Variants in PPP1R10 observed in about 807,000 individuals in gnomAD.
PPP1R10 encodes the protein serine/threonine-protein phosphatase 1 regulatory subunit 10.
In PPP1R10, 15 loss-of-function variants were observed where a neutral mutation model predicts 99.0. The observed-to-expected ratio is 0.15, with a 90% CI of 0.10 to 0.23. The LOEUF is 0.23. PPP1R10 is among the 10% of genes least tolerant of loss of function. The pLI is 1.00. For synonymous variants in PPP1R10, 430 were observed against 449.5 expected (o/e 0.96, Z 0.55); for missense variants, 947 against 1,259.4 (o/e 0.75, Z 3.75).
In PPP1R10 at chr6:30,604,691, G is replaced by GGCTGTGCTTGGT. The variant is rs1320498837; in HGVS notation, c.987_998dup (p.Pro330_Ala333dup). On this transcript the variant is annotated inframe_insertion, in exon 12 of 20. Coordinates refer to ENST00000376511, the MANE Select transcript of PPP1R10 (RefSeq NM_002714.4). The surrounding 1 kb of genome is among the most constrained non-coding windows in gnomAD (Gnocchi z 7.3). ...GTGCTGGTTCTGGGGAAGAAGGTTT[G>GGCTGTGCTTGGT]GCTGTGCTTGGTTCTGTGCTCGTTT... is the stretch of plus-strand genomic sequence containing the variant. 1.9e-6 allele frequency: 3 copies of GGCTGTGCTTGGT among 1,612,994 alleles called. No individual in the cohort carries two copies. Among genetic ancestry groups the GGCTGTGCTTGGT allele is most frequent in the Admixed American group, 1.7e-5 (1 of 60,002 alleles).
Position 30,602,812 on chromosome 6 carries a change from A to G in PPP1R10, c.1957+34T>C, listed in dbSNP as rs756149606. On this transcript the variant is annotated intron_variant, in intron 18 of 19. Coordinates refer to ENST00000376511, the MANE Select transcript of PPP1R10 (RefSeq NM_002714.4). The surrounding 1 kb of genome is among the most constrained non-coding windows in gnomAD (Gnocchi z 6.7). Reference sequence around the variant, plus strand: ...CTATTATCAGACTGAAATTAAGCAGATAAGCCCATTCCAACCTTTTACTCA... The same window carrying G: ...CTATTATCAGACTGAAATTAAGCAGGTAAGCCCATTCCAACCTTTTACTCA... 1.0e-5 allele frequency: 16 copies of G among 1,546,384 alleles called. No individual in the cohort carries two copies. Among genetic ancestry groups the G allele is most frequent in the Middle Eastern group, 1.7e-4 (1 of 5,996 alleles).
Position 30,609,992 on chromosome 6 carries a change from T to TA in PPP1R10, c.-11-38dup. 6.9e-7 allele frequency: 1 copy of TA among 1,459,318 alleles called. No individual in the cohort carries two copies. 90.4% of individuals were successfully genotyped at this position (1,459,318 alleles called of 1,614,324 possible). On this transcript the variant is annotated intron_variant, in intron 2 of 19. Transcript: ENST00000376511. The surrounding 1 kb of genome is among the most constrained non-coding windows in gnomAD (Gnocchi z 4.5). ...GGACAAAACAAACAAACCCACAGAA[T>TA]AAATGGGTGGCAAGGACTACCCGAG... is the stretch of plus-strand genomic sequence containing the variant.
Position 30,602,545 on chromosome 6 carries a change from G to C in PPP1R10, c.2104C>G (p.Pro702Ala). The change falls in exon 19 of 20, where the codon CCA becomes GCA. Residue 702 changes from proline (P) to alanine (A), a missense_variant. Pro to Ala is a conservative substitution (Grantham distance 27, BLOSUM62 -1). Transcript: ENST00000376511. The surrounding 1 kb of genome is among the most constrained non-coding windows in gnomAD (Gnocchi z 6.7). ...CGGCCACCTCGGCCTCTATGGTATG[G>C]TCCAGGACCTGGTCCTGGACCCCCC... Reference protein sequence around the residue: ...MRGGPGPGPGPYHRGRGGRGG... With the variant: ...MRGGPGPGPGAYHRGRGGRGG... The C allele has an allele frequency of 6.4e-7, 1 of 1,570,280 alleles. No homozygotes were observed. Among genetic ancestry groups the C allele is most frequent in the Admixed American group, 1.9e-5 (1 of 52,478 alleles).
chr6:30,614,370 T>C (rs1278268615), intron 2 of PPP1R10, among the ~76,000 whole-genome samples: 1 of 152,112 alleles, frequency 6.6e-6, no homozygotes, highest in Non-Finnish European at 1.5e-5. Context: ...CGTAGCTTGA[T>C]TCCCCCTGCC....
rs189953824 is a variant in PPP1R10 at position 30,604,831 on chromosome 6, A to G, written c.955-96T>C. On this transcript the variant is annotated intron_variant, in intron 11 of 19. Coordinates refer to ENST00000376511, the MANE Select transcript of PPP1R10 (RefSeq NM_002714.4). The surrounding 1 kb of genome is among the most constrained non-coding windows in gnomAD (Gnocchi z 7.3). ...CAGGCACAGTCCCCCAACAGTTCCT[A>G]TATAAAGGAAGACTCTGTCTCCACA... The G allele has an allele frequency of 3.8e-6, 6 of 1,561,962 alleles. No homozygotes were observed. In the East Asian group the frequency reaches 1.3e-4, roughly 35 times the overall value.
In PPP1R10 at chr6:30,602,629, G is replaced by A. The variant is rs780187448; in HGVS notation, c.2020C>T (p.Arg674Trp). ...PRLLGPPPPP[R>W]GGDPFWDGPG... ...CCATCCCAGAAGGGATCACCTCCCC[G>A]GGGAGGGGGTGGAGGACCCAGAAGA... Residue 674 changes from arginine (R) to tryptophan (W), a missense_variant, in exon 19 of 20, where the codon CGG becomes TGG. This residue lies in a region of PPP1R10 where 525 missense variants were observed against 578.8 expected (regional missense o/e 0.91). Transcript: ENST00000376511. The surrounding 1 kb of genome is among the most constrained non-coding windows in gnomAD (Gnocchi z 6.7). 6.9e-6 allele frequency: 11 copies of A among 1,594,824 alleles called. No individual in the cohort carries two copies. The highest frequency in any genetic ancestry group is 6.7e-5 in the East Asian group (3 of 44,628).
chr6:30,605,784 C>T (rs1446885960), intron 10 of PPP1R10, 139 bp downstream of exon 10: 9 of 807,030 alleles, frequency 1.1e-5, no homozygotes, highest in African/African-American at 1.8e-5. Context: ...GGCGTGAACC[C>T]GGGAGGCGGA....
Position 30,604,220 on chromosome 6 carries a change from C to T in PPP1R10, c.1296G>A (p.Ala432=), listed in dbSNP as rs1264422. The T allele has an allele frequency of 5.3e-5, 86 of 1,614,002 alleles. No homozygotes were observed. In the Middle Eastern group the frequency reaches 6.6e-4, roughly 12 times the overall value. The change falls in exon 14 of 20, where the codon GCG becomes GCA. Residue 432 remains alanine, a synonymous_variant. Coordinates refer to ENST00000376511, the MANE Select transcript of PPP1R10 (RefSeq NM_002714.4). This position sits in a 1 kb window ranked among gnomAD's most constrained non-coding sequence, Gnocchi z 7.3. ...GGTCTGACAGTATCTCTCGCTTAGC[C>T]GCCTCACCAAAGTCCTTGATCTTAT... ...NVNKIKDFGE[A]AKREILSDRH...
intron 2 of PPP1R10, among the ~76,000 whole-genome samples, chr6:30,614,271 AAG>A (rs1245653840): frequency 1.3e-5 from 2 of 152,124 alleles, no homozygotes; most frequent in Non-Finnish European, 2.9e-5. Flanking sequence ...GGGAAGGAAA[AAG>A]AAATTCAAAA....
Position 30,608,819 on chromosome 6 carries a change from G to A in PPP1R10, c.290C>T (p.Thr97Ile). The change falls in exon 5 of 20, where the codon ACC (threonine) becomes ATC (isoleucine). Residue 97 changes from threonine to isoleucine, a missense_variant. This residue lies in a region of PPP1R10 where 82 missense variants were observed against 117.3 expected (regional missense o/e 0.70). Transcript: ENST00000376511. Reference protein sequence around the residue: ...NIPLLQQILLTLQHLPLTVDH... With the variant: ...NIPLLQQILLILQHLPLTVDH... The stretch of plus-strand genomic sequence containing the variant: ...TACAGTGAGCGGTAGATGCTGCAGG[G>A]TCAGTAGAATTTGCTGGAGGAGGGG... 6.2e-7 allele frequency: 1 copy of A among 1,614,054 alleles called. No homozygotes were observed. The highest frequency in any genetic ancestry group is 1.3e-5 in the African/African-American group (1 of 75,032).
In PPP1R10 at chr6:30,609,100, G is replaced by A. The variant is rs1199831937; in HGVS notation, c.171C>T (p.Thr57=). The change falls in exon 4 of 20, where the codon ACC becomes ACT. Residue 57 remains threonine (T), a synonymous_variant. Transcript: ENST00000376511. This position sits in a 1 kb window ranked among gnomAD's most constrained non-coding sequence, Gnocchi z 4.5. ...ACTTGACCAATATTTCTGGTGAACG[G>A]GTCTGCAGGAGAATGTTCAAGTAAG... The part of the protein sequence containing the change: ...RCTYLNILLQ[T]RSPEILVKFI... The A allele has an allele frequency of 1.2e-6, 2 of 1,613,758 alleles. No individual in the cohort carries two copies. The highest frequency in any genetic ancestry group is 1.3e-5 in the African/African-American group (1 of 74,886).
At chr6:30,603,936 T>C (rs1803647065) in intron 14 of PPP1R10, 72 bp downstream of exon 14, 2 of 1,523,448 alleles carry the variant, frequency 1.3e-6, no homozygotes, top group East Asian at 2.3e-5. Flanking sequence ...ACCCCGTAAT[T>C]ACCCCAGCTC....
At chr6:30,617,185 A>G (rs532486596) in intron 1 of PPP1R10, 39 bp downstream of exon 1, 1 of 153,606 alleles carries the variant, frequency 6.5e-6, no homozygotes, top group Non-Finnish European at 1.5e-5. Flanking sequence ...CGCTCTCCGC[A>G]AAATTTTACC....
Position 30,605,975 on chromosome 6 carries a change from G to T in PPP1R10, c.801C>A (p.Asn267Lys), listed in dbSNP as rs773148285. 1.2e-6 allele frequency: 2 copies of T among 1,614,048 alleles called. No homozygotes were observed. The highest frequency in any genetic ancestry group is 3.3e-5 in the Admixed American group (2 of 60,004). ...PPAEKKYKPLNTTPNATKEIK... is the reference protein window; with the variant it reads ...PPAEKKYKPLKTTPNATKEIK... ...TCTCTTTGGTGGCATTAGGTGTTGT[G>T]TTGAGTGGCTTGTATTTCTTCTCTG... Residue 267 changes from asparagine (N) to lysine (K), a missense_variant, in exon 10 of 20, where the codon AAC becomes AAA. By Grantham distance (94) the Asn-to-Lys change is moderately conservative. Around this residue, in one of 10 missense-constraint regions of PPP1R10, gnomAD observed 39 missense variants for 34.4 expected, o/e 1.14. Coordinates refer to ENST00000376511, the MANE Select transcript of PPP1R10 (RefSeq NM_002714.4).
Position 30,603,398 on chromosome 6 carries a change from G to A in PPP1R10, c.1767+74C>T, listed in dbSNP as rs1803579561. ...TAGATGTGGAGAACTGGGGTAAGGC[G>A]AATGGGAGACAGTGAGGAGAGCGAG... On this transcript the variant is annotated intron_variant, in intron 16 of 19. Coordinates refer to ENST00000376511, the MANE Select transcript of PPP1R10 (RefSeq NM_002714.4). 1.0e-5 allele frequency: 16 copies of A among 1,586,390 alleles called. No homozygotes were observed. In the Admixed American group the frequency reaches 1.3e-4, roughly 13 times the overall value.
In PPP1R10 at chr6:30,602,553, C is replaced by G. The variant is rs1204632235; in HGVS notation, c.2096G>C (p.Gly699Ala). Residue 699 changes from glycine (G) to alanine (A), a missense_variant, in exon 19 of 20, where the codon GGT becomes GCT. Around this residue, in one of 10 missense-constraint regions of PPP1R10, gnomAD observed 525 missense variants for 578.8 expected, o/e 0.91. Transcript: ENST00000376511. The surrounding 1 kb of genome is among the most constrained non-coding windows in gnomAD (Gnocchi z 6.7). ...TCGGCCTCTATGGTATGGTCCAGGA[C>G]CTGGTCCTGGACCCCCCCGCATTGG... ...GGPMRGGPGP[G>A]PGPYHRGRGG... 5.7e-6 allele frequency: 9 copies of G among 1,568,090 alleles called. No individual in the cohort carries two copies. The highest frequency in any genetic ancestry group is 7.8e-6 in the Non-Finnish European group (9 of 1,159,042).
rs1803373249 is a variant in PPP1R10 at position 30,602,041 on chromosome 6, G to A, written c.2608C>T (p.His870Tyr). The A allele has an allele frequency of 6.4e-7, 1 of 1,553,962 alleles. No homozygotes were observed. The highest frequency in any genetic ancestry group is 1.4e-5 in the African/African-American group (1 of 73,824). The stretch of plus-strand genomic sequence containing the variant: ...TGAGGTGGCGGCCCTCGATGGTCAT[G>A]GCCTCGGTGACCAGGGACATCATGA... The part of the protein sequence containing the change: ...RPHDVPGHRG[H>Y]DHRGPPPHEH... Residue 870 changes from histidine to tyrosine, a missense_variant, in exon 19 of 20, where the codon CAT becomes TAT. This residue lies in a region of PPP1R10 where 525 missense variants were observed against 578.8 expected (regional missense o/e 0.91). Transcript: ENST00000376511. The surrounding 1 kb of genome is among the most constrained non-coding windows in gnomAD (Gnocchi z 6.7).
rs1167003278 is a variant in PPP1R10 at position 30,613,264 on chromosome 6, G to A, written c.-12+3214C>T. On this transcript the variant is annotated intron_variant, in intron 2 of 19. Transcript: ENST00000376511. ...AAGTTATTCCACACCCATCACCAAT[G>A]AAACAGGACTGAATTGGTTCAGGAT... Among the ~76,000 whole-genome samples the A allele has an allele frequency of 4.6e-5, 7 of 152,304 alleles. No individual in the cohort carries two copies. The East Asian group carries it at 1.3e-3, about 29-fold the overall frequency.
rs1422930365 is a variant in PPP1R10 at position 30,602,870 on chromosome 6, G to A, written c.1933C>T (p.Pro645Ser). ...GGPKGMQHFPPGPGGPMPGPH... is the reference protein window; with the variant it reads ...GGPKGMQHFPSGPGGPMPGPH... ...CCTGGCATAGGTCCCCCAGGTCCAG[G>A]GGGAAAGTGCTGCATGCCCTTGGGG... is the stretch of plus-strand genomic sequence containing the variant. Residue 645 changes from proline to serine, a missense_variant, in exon 18 of 20, where the codon CCT becomes TCT. This residue lies in a region of PPP1R10 where 525 missense variants were observed against 578.8 expected (regional missense o/e 0.91). Coordinates refer to ENST00000376511, the MANE Select transcript of PPP1R10 (RefSeq NM_002714.4). This position sits in a 1 kb window ranked among gnomAD's most constrained non-coding sequence, Gnocchi z 6.7. 1.3e-6 allele frequency: 2 copies of A among 1,555,808 alleles called. No homozygotes were observed. Among genetic ancestry groups the A allele is most frequent in the African/African-American group, 1.4e-5 (1 of 73,250 alleles).
Sources: gnomAD v4.1 joint callset for allele counts (sites outside exome capture counted in the v4.1 genomes callset) on GRCh38, gnomAD v4.1.1 for gene constraint, gnomAD v4.1.1 regional missense constraint, Gnocchi (gnomAD v3.1) non-coding constraint, MANE v1.5 for transcripts, NCBI Gene and HGNC (gene_info 2026-07-23, HGNC 2026-07-21) for gene names.